Variants in CNTLN observed in about 807,000 individuals in gnomAD.
CNTLN encodes the protein centlein, centrosomal protein.
A neutral mutation model predicts 180.0 loss-of-function variants in CNTLN; 212 were observed. The observed-to-expected ratio is 1.18, with a 90% CI of 1.05 to 1.32. The LOEUF (loss-of-function observed/expected upper bound fraction) is 1.32. Ranked by LOEUF, CNTLN falls within the 40% of genes most tolerant of loss-of-function variation. CNTLN has a pLI of 0.00. For synonymous variants in CNTLN, 722 were observed against 563.1 expected, an observed-to-expected ratio of 1.28 and a Z score of -3.99; for missense variants, 2,095 against 1,610.9, an observed-to-expected ratio of 1.30 and a Z score of -5.14.
intron 2 of CNTLN, among the ~76,000 whole-genome samples, chr9:17,213,650 G>A (rs937614883): frequency 6.6e-6 from 1 of 152,184 alleles, no homozygotes; most frequent in African/African-American, 2.4e-5. Flanking sequence ...AATGTTGACA[G>A]TGGGGTGTTA....
intron 2 of CNTLN, among the ~76,000 whole-genome samples, chr9:17,145,043 T>G (rs1054650990): frequency 2.6e-5 from 4 of 151,258 alleles, no homozygotes; most frequent in African/African-American, 7.3e-5. Context: ...GGGTTTCACC[T>G]TGTTAGCCAG....
intron 2 of CNTLN, among the ~76,000 whole-genome samples, chr9:17,202,990 T>G (rs1822658174): frequency 1.3e-5 from 2 of 152,086 alleles, no homozygotes; most frequent in Non-Finnish European, 2.9e-5. Context: ...TTCCTTTCCA[T>G]ATTTCGTGCT....
At chr9:17,352,516 A>G (rs557248819) in intron 12 of CNTLN, among the ~76,000 whole-genome samples, 106 of 151,794 alleles carry the variant, frequency 7.0e-4, no homozygotes, top group African/African-American at 2.5e-3. Flanking sequence ...CAATGATGAC[A>G]TATTTTGAAA....
At position 17,299,460 on chromosome 9, in the gene CNTLN, A is replaced by T. The variant is rs1324450560; in HGVS notation, c.1146+1108A>T. 4 of 980,872 alleles carry T rather than the reference A, an allele frequency of 4.1e-6. No homozygotes were observed. In the East Asian group the frequency reaches 4.6e-4, roughly 112 times the overall value. 60.8% of individuals were successfully genotyped at this position (980,872 alleles called of 1,614,324 possible). On this transcript the variant is annotated intron_variant, in intron 7 of 25. Coordinates refer to ENST00000380647, the MANE Select transcript of CNTLN (RefSeq NM_017738.4). The stretch of plus-strand genomic sequence containing the variant: ...TTACTTCTGATCTTACTTTTCTAAA[A>T]AATCACTGTGAAAATCGAATGTCTA...
chr9:17,388,433 A>T (rs1324466320), intron 14 of CNTLN, among the ~76,000 whole-genome samples, 180 bp downstream of exon 14: 1 of 152,100 alleles, frequency 6.6e-6, no homozygotes, highest in Non-Finnish European at 1.5e-5. Flanking sequence ...TAGTGAAATA[A>T]ATGTGTAAAC....
intron 13 of CNTLN, among the ~76,000 whole-genome samples, chr9:17,369,237 G>A (rs544055737): frequency 6.6e-6 from 1 of 152,178 alleles, no homozygotes; most frequent in Admixed American, 6.5e-5. Flanking sequence ...GCTGCCTTGT[G>A]AAGAAGGTGC....
intron 2 of CNTLN, among the ~76,000 whole-genome samples, chr9:17,162,230 T>G (rs546778669): frequency 8.5e-5 from 13 of 152,186 alleles, no homozygotes; most frequent in Non-Finnish European, 1.3e-4. Context: ...TTCTCCTGCC[T>G]CAGCCTCCTG....
chr9:17,455,592 A>G (rs1831061730), intron 18 of CNTLN, among the ~76,000 whole-genome samples: 1 of 152,178 alleles, frequency 6.6e-6, no homozygotes, highest in South Asian at 2.1e-4. Context: ...TATCCCAGTA[A>G]GAAGAAAAGA....
intron 21 of CNTLN, 110 bp from the exon 22 acceptor site, chr9:17,465,871 A>G (rs575649717): frequency 2.6e-6 from 2 of 757,938 alleles, no homozygotes; most frequent in African/African-American, 3.7e-5. Context: ...GCGTTATGAG[A>G]AAATAAATGG....
intron 2 of CNTLN, among the ~76,000 whole-genome samples, chr9:17,179,475 G>GA (rs1354713831): frequency 6.6e-6 from 1 of 152,110 alleles, no homozygotes; most frequent in African/African-American, 2.4e-5. Flanking sequence ...TAATTTTCAA[G>GA]TGTTTGGCGA....
intron 18 of CNTLN, among the ~76,000 whole-genome samples, chr9:17,450,559 T>C (rs1313195410): frequency 1.3e-5 from 2 of 152,170 alleles, no homozygotes; most frequent in Non-Finnish European, 2.9e-5. Flanking sequence ...ATAGTGTTGC[T>C]GGAATAAAAA....
At chr9:17,477,991 C>A (rs1444952585) in intron 23 of CNTLN, among the ~76,000 whole-genome samples, 1 of 152,172 alleles carries the variant, frequency 6.6e-6, no homozygotes, top group Non-Finnish European at 1.5e-5. Context: ...AAGAAATTGC[C>A]ACAGCCAGCC....
chr9:17,297,588 T>C (rs930970221), intron 6 of CNTLN, among the ~76,000 whole-genome samples: 2 of 152,190 alleles, frequency 1.3e-5, no homozygotes, highest in Admixed American at 6.5e-5. Context: ...ATCAGTTTCA[T>C]CCTGGGTAGG....
intron 5 of CNTLN, among the ~76,000 whole-genome samples, chr9:17,265,149 C>T (rs916830164): frequency 6.7e-6 from 1 of 148,918 alleles, no homozygotes; most frequent in East Asian, 2.0e-4. Flanking sequence ...CCAGTTTTTG[C>T]CCATTCAGTA....
intron 7 of CNTLN, among the ~76,000 whole-genome samples, chr9:17,303,197 T>C (rs1320546525): frequency 2.0e-5 from 3 of 152,212 alleles, no homozygotes; most frequent in Non-Finnish European, 4.4e-5. Context: ...AACTTTATTA[T>C]AAAGCCAACA....
chr9:17,260,921 T>G (rs1287853642), intron 5 of CNTLN, among the ~76,000 whole-genome samples: 1 of 151,520 alleles, frequency 6.6e-6, no homozygotes, highest in East Asian at 1.9e-4. Flanking sequence ...CACCATTTAT[T>G]GAATAGGGGG....
intron 5 of CNTLN, among the ~76,000 whole-genome samples, chr9:17,254,417 T>G (rs974168830): frequency 1.3e-5 from 2 of 151,616 alleles, no homozygotes; most frequent in Admixed American, 6.6e-5. Context: ...TTGGGAATTT[T>G]CTAGTTTTGG....
intron 2 of CNTLN, among the ~76,000 whole-genome samples, chr9:17,182,994 T>A (rs1821216205): frequency 6.6e-6 from 1 of 152,144 alleles, no homozygotes; most frequent in African/African-American, 2.4e-5. Flanking sequence ...TTACTGGAGG[T>A]CTGTGTCTTC....
At chr9:17,459,453 G>C (rs1237964754) in intron 19 of CNTLN, among the ~76,000 whole-genome samples, 1 of 151,736 alleles carries the variant, frequency 6.6e-6, no homozygotes, top group Non-Finnish European at 1.5e-5. Context: ...GGGACAAAAA[G>C]GATAAGTTTT....
Sources: allele counts gnomAD v4.1 joint callset (sites outside exome capture counted in the v4.1 genomes callset), GRCh38; gene constraint gnomAD v4.1.1; transcripts MANE v1.5; gene names NCBI Gene and HGNC (gene_info 2026-07-23, HGNC 2026-07-21).